Variants in MYRIP observed in about 807,000 individuals in gnomAD.
MYRIP encodes myosin VIIA and Rab interacting protein, also known as rab effector MyRIP.
MYRIP carries 49 observed loss-of-function variants against 98.0 expected under a neutral mutation model. That is an observed-to-expected ratio of 0.50 (90% CI 0.40 to 0.63). The LOEUF is 0.63. Among genes scored for constraint, MYRIP ranks in the 30% least tolerant of loss-of-function variants. The probability of loss-of-function intolerance (pLI) is 0.00; values close to 1 mark genes in which losing one functional copy is unlikely to be tolerated. For synonymous variants in MYRIP, 404 were observed against 409.5 expected (o/e 0.99, Z 0.16); for missense variants, 1,004 against 1,058.2 (o/e 0.95, Z 0.71).
intron 2 of MYRIP, among the ~76,000 whole-genome samples, chr3:39,923,370 A>C (rs1344255527): frequency 6.6e-6 from 1 of 152,182 alleles, no homozygotes; most frequent in Non-Finnish European, 1.5e-5. Flanking sequence ...GGATAAACCC[A>C]AAGAAATCCA....
intron 2 of MYRIP, among the ~76,000 whole-genome samples, chr3:39,909,284 CTCTG>C (rs1034801546): frequency 8.5e-5 from 13 of 152,280 alleles, no homozygotes; most frequent in Admixed American, 3.9e-4. Context: ...ATTTTTAAAA[CTCTG>C]TCTTAGTATT....
At chr3:40,088,482 T>C (rs1362938425) in intron 3 of MYRIP, among the ~76,000 whole-genome samples, 1 of 152,194 alleles carries the variant, frequency 6.6e-6, no homozygotes, top group Non-Finnish European at 1.5e-5. Context: ...CCAGCTGATA[T>C]TGGCCCAGTG....
intron 1 of MYRIP, among the ~76,000 whole-genome samples, chr3:39,834,940 T>C (rs1355529266): frequency 6.6e-6 from 1 of 152,106 alleles, no homozygotes. Flanking sequence ...AATCATTGAA[T>C]GCTAGGAGTA....
At chr3:39,847,849 A>G (rs1163667774) in intron 1 of MYRIP, among the ~76,000 whole-genome samples, 2 of 150,728 alleles carry the variant, frequency 1.3e-5, no homozygotes, top group Non-Finnish European at 3.0e-5. Flanking sequence ...TATCCCCCTC[A>G]CCCCCCAAGG....
intron 2 of MYRIP, among the ~76,000 whole-genome samples, chr3:40,016,932 T>C (rs1242021749): frequency 6.6e-6 from 1 of 152,156 alleles, no homozygotes; most frequent in Non-Finnish European, 1.5e-5. Context: ...GGTGAGGACA[T>C]GGAAATTCTG....
intron 1 of MYRIP, among the ~76,000 whole-genome samples, chr3:39,892,646 A>G (rs66766872): frequency 0.052 from 7,919 of 152,262 alleles, 242 homozygotes; most frequent in African/African-American, 0.07. Context: ...TGAAAGTTGA[A>G]TAATCAAATG....
intron 2 of MYRIP, among the ~76,000 whole-genome samples, chr3:39,936,064 A>G (rs1203233368): frequency 1.3e-5 from 2 of 151,408 alleles, no homozygotes; most frequent in Non-Finnish European, 2.9e-5. Flanking sequence ...TGTTATTCAA[A>G]TTCTATTGAA....
chr3:39,951,911 T>C (rs897892702), intron 2 of MYRIP, among the ~76,000 whole-genome samples: 1 of 152,222 alleles, frequency 6.6e-6, no homozygotes, highest in Non-Finnish European at 1.5e-5. Flanking sequence ...GATGGTATAA[T>C]GTACATGCCA....
intron 11 of MYRIP, among the ~76,000 whole-genome samples, chr3:40,219,144 A>G (rs1952244664): frequency 6.6e-6 from 1 of 152,324 alleles, no homozygotes; most frequent in African/African-American, 2.4e-5. Flanking sequence ...AATTAGATTC[A>G]TACATCATAC....
chr3:40,253,121 C>G (rs773020080), intron 16 of MYRIP, among the ~76,000 whole-genome samples: 1 of 152,078 alleles, frequency 6.6e-6, no homozygotes, highest in Non-Finnish European at 1.5e-5. Flanking sequence ...TATTAATAAC[C>G]AATATAATAA....
chr3:39,838,462 A>C (rs539582969), intron 1 of MYRIP, among the ~76,000 whole-genome samples: 1 of 152,288 alleles, frequency 6.6e-6, no homozygotes, highest in African/African-American at 2.4e-5. Flanking sequence ...ATCTATTGAG[A>C]TAATCATGTG....
intron 10 of MYRIP, among the ~76,000 whole-genome samples, chr3:40,200,131 T>TTTTTTTTTTTTTTTG (rs1553626079): frequency 1.3e-5 from 2 of 149,660 alleles, no homozygotes; most frequent in East Asian, 2.0e-4. Context: ...ATTTTCTTTT[T>TTTTTTTTTTTTTTTG]ATCATAGGCC....
chr3:40,192,330 T>TATATATATATGTCATATATATATGTC (rs1181618839), intron 10 of MYRIP, among the ~76,000 whole-genome samples: 132 of 99,798 alleles, frequency 1.3e-3, no homozygotes, highest in African/African-American at 2.3e-3. Context: ...ATATATGTCA[T>TATATATATATGTCATATATATATGTC]ATATATATAT....
At chr3:39,897,133 G>T (rs536361219) in intron 1 of MYRIP, among the ~76,000 whole-genome samples, 130 of 152,314 alleles carry the variant, frequency 8.5e-4, no homozygotes, top group African/African-American at 3.1e-3. Flanking sequence ...TTGACTTAGT[G>T]TAGAGTTTAC....
chr3:40,072,237 C>A (rs557730713), intron 3 of MYRIP, among the ~76,000 whole-genome samples: 157 of 152,154 alleles, frequency 1.0e-3, no homozygotes, highest in South Asian at 7.7e-3. Flanking sequence ...GAGACAGAGT[C>A]TCGCTCTCTC....
At chr3:39,853,668 G>A (rs1022130815) in intron 1 of MYRIP, among the ~76,000 whole-genome samples, 2 of 152,058 alleles carry the variant, frequency 1.3e-5, no homozygotes, top group African/African-American at 2.4e-5. Flanking sequence ...TTTTTCAGAT[G>A]TATGGCTTGC....
chr3:39,829,571 G>T (rs972083712), intron 1 of MYRIP, among the ~76,000 whole-genome samples: 2 of 152,172 alleles, frequency 1.3e-5, no homozygotes, highest in African/African-American at 4.8e-5. Context: ...GCTGCTGGAA[G>T]TGGGCTTGCT....
intron 1 of MYRIP, among the ~76,000 whole-genome samples, chr3:39,895,961 G>A (rs1360221402): frequency 6.6e-6 from 1 of 152,012 alleles, no homozygotes; most frequent in Non-Finnish European, 1.5e-5. Flanking sequence ...GCATATACAT[G>A]CCTATGTATC....
intron 2 of MYRIP, among the ~76,000 whole-genome samples, chr3:39,977,469 T>A (rs893128101): frequency 2.8e-4 from 42 of 152,210 alleles, no homozygotes; most frequent in African/African-American, 9.6e-4. Context: ...TATTCTCTGA[T>A]GCATTCCCAA....
Sources: gnomAD v4.1 joint callset for allele counts (sites outside exome capture counted in the v4.1 genomes callset) on GRCh38, gnomAD v4.1.1 for gene constraint, MANE v1.5 for transcripts, NCBI Gene and HGNC (gene_info 2026-07-23, HGNC 2026-07-21) for gene names.